EBF1: variants seen among roughly 807,000 people sequenced by gnomAD.
EBF1 encodes the protein transcription factor COE1.
EBF1 carries 10 observed loss-of-function variants against 68.4 expected under a neutral mutation model. That is an observed-to-expected ratio of 0.15 (90% confidence interval 0.09 to 0.25). The LOEUF is 0.25. Ranked by LOEUF, EBF1 falls within the 10% of genes least tolerant of loss-of-function variation. The pLI is 1.00. For synonymous variants in EBF1, 298 were observed against 299.8 expected (o/e 0.99, Z 0.06); for missense variants, 509 against 794.4 (o/e 0.64, Z 4.32).
Position 158,781,501 on chromosome 5 carries a change from A to T in EBF1, c.910-3962T>A, listed in dbSNP as rs1158487948. Among the ~76,000 whole-genome samples, 14 of 152,266 alleles carry T rather than the reference A, an allele frequency of 9.2e-5. No individual in the cohort carries two copies. The East Asian group carries it at 2.5e-3, about 27-fold the overall frequency. ...ATCAAATTTTATTAGCAACAGAGTA[A>T]CAGAATCTCCCCAAATAAGTCTTCT... On this transcript the variant is annotated intron_variant, in intron 9 of 15. Coordinates refer to ENST00000313708, the MANE Select transcript of EBF1 (RefSeq NM_024007.5).
At chr5:158,956,971 G>A (rs1817266790) in intron 6 of EBF1, among the ~76,000 whole-genome samples, 2 of 152,116 alleles carry the variant, frequency 1.3e-5, no homozygotes, top group Admixed American at 6.5e-5. Context: ...TGTTAGCCAA[G>A]ATGGTCTCGA....
Position 158,717,632 on chromosome 5 carries a change from A to AT in EBF1, c.1126-3451dup, listed in dbSNP as rs567978465. Among the ~76,000 whole-genome samples the AT allele has an allele frequency of 9.6e-3, 1,409 of 147,366 alleles. 13 individuals are homozygous for AT. The highest frequency in any genetic ancestry group is 0.026 in the African/African-American group (1,036 of 40,396). On this transcript the variant is annotated intron_variant, in intron 11 of 15. Coordinates refer to ENST00000313708, the MANE Select transcript of EBF1 (RefSeq NM_024007.5). ...CCAAGATAATTAATCCTATCCTTGGATTTTTTTTTTTTAAAAATCCCTTTT... is the reference window on the plus strand; with the variant it reads ...CCAAGATAATTAATCCTATCCTTGGATTTTTTTTTTTTTAAAAATCCCTTTT...
chr5:158,942,242 T>C (rs1426805128), intron 6 of EBF1, among the ~76,000 whole-genome samples: 6 of 152,210 alleles, frequency 3.9e-5, no homozygotes, highest in African/African-American at 1.4e-4. Context: ...TGTCCCTGTA[T>C]ATATGAAACC....
At position 158,978,779 on chromosome 5, in the gene EBF1, TACACACACACACACACATACAC is replaced by T. The variant is rs1181933722; in HGVS notation, c.554+94595_554+94616del. Among the ~76,000 whole-genome samples, 5 of 130,176 alleles carry T rather than the reference TACACACACACACACACATACAC, an allele frequency of 3.8e-5. No individual in the cohort carries two copies. In the East Asian group the frequency reaches 1.1e-3, roughly 28 times the overall value. The allele number at this position is 130,176 out of a possible 152,430, so 85.4% of individuals were successfully genotyped here. ...TTCTTGAAGGTAAAAGAATTGAAGA[TACACACACACACACACATACAC>T]ACACACACACACACACACACACACA... On this transcript the variant is annotated intron_variant, in intron 6 of 15. Coordinates refer to ENST00000313708, the MANE Select transcript of EBF1 (RefSeq NM_024007.5).
At chr5:159,041,117 C>G (rs1404457294) in intron 6 of EBF1, among the ~76,000 whole-genome samples, 1 of 152,212 alleles carries the variant, frequency 6.6e-6, no homozygotes, top group Non-Finnish European at 1.5e-5. Context: ...TGGTACCCAT[C>G]GTCACACACA....
At chr5:158,797,394 A>C (rs142559455) in intron 8 of EBF1, among the ~76,000 whole-genome samples, 37 of 152,310 alleles carry the variant, frequency 2.4e-4, no homozygotes, top group Middle Eastern at 3.4e-3. Flanking sequence ...CTACAGTGTC[A>C]TGCTTCTGTT....
chr5:159,003,581 G>T lies in EBF1; in HGVS notation c.554+69815C>A, dbSNP rs375229158. On this transcript the variant is annotated intron_variant, in intron 6 of 15. Coordinates refer to ENST00000313708, the MANE Select transcript of EBF1 (RefSeq NM_024007.5). ...TGATTTCCTCTTAAAATGACAGCTT[G>T]CCTGTGTATTGTGCATTCTTAGAGC... is the stretch of plus-strand genomic sequence containing the variant. 8.1e-4 allele frequency among the ~76,000 whole-genome samples: 124 copies of T among 152,344 alleles called. 1 individual carries two copies. In the South Asian group the frequency reaches 0.025, roughly 31 times the overall value.
intron 15 of EBF1, 48 bp from the exon 16 acceptor site, chr5:158,699,190 C>A: frequency 1.9e-6 from 3 of 1,550,924 alleles, no homozygotes; most frequent in Non-Finnish European, 8.7e-7. Context: ...GTTCAAACTT[C>A]TCACTGAGAA....
chr5:158,774,191 C>A (rs567249579), intron 10 of EBF1, among the ~76,000 whole-genome samples: 1 of 152,044 alleles, frequency 6.6e-6, no homozygotes, highest in Non-Finnish European at 1.5e-5. Flanking sequence ...ATTCCTCGTG[C>A]GTCTCTGGTC....
chr5:158,938,185 T>A (rs1238146572), intron 6 of EBF1, among the ~76,000 whole-genome samples: 1 of 152,234 alleles, frequency 6.6e-6, no homozygotes. Context: ...AGATCCTGAA[T>A]AACCAACATA....
chr5:158,750,763 T>G (rs1768666099), intron 10 of EBF1, among the ~76,000 whole-genome samples: 1 of 151,566 alleles, frequency 6.6e-6, no homozygotes, highest in South Asian at 2.1e-4. Context: ...ATCTACCACT[T>G]GCAAAAAAAA....
rs182780903 is a variant in EBF1, at chr5:158,968,826, A to C, written c.554+104570T>G. 1.5e-4 allele frequency among the ~76,000 whole-genome samples: 23 copies of C among 152,322 alleles called. No homozygotes were observed. In the East Asian group the frequency reaches 4.1e-3, roughly 27 times the overall value. The stretch of plus-strand genomic sequence containing the variant: ...TCCAAGTAAAATTTACAATGAGAAA[A>C]TATGCATTGATGCCACAAAAATCTT... On this transcript the variant is annotated intron_variant, in intron 6 of 15. Coordinates refer to ENST00000313708, the MANE Select transcript of EBF1 (RefSeq NM_024007.5).
chr5:158,739,992 C>T (rs1162778235), intron 10 of EBF1, among the ~76,000 whole-genome samples: 5 of 152,172 alleles, frequency 3.3e-5, no homozygotes, highest in Admixed American at 3.3e-4. Flanking sequence ...ATTTTCTGAG[C>T]ACGCATTTTT....
rs548617551 is a variant in EBF1, at chr5:159,033,203, C to T, written c.554+40193G>A. ...TTAGGAAGTTCTGCACACGTTTACC[C>T]GCTTTGCAGCCATCCCTTCCTTCCA... On this transcript the variant is annotated intron_variant, in intron 6 of 15. Transcript: ENST00000313708. Among the ~76,000 whole-genome samples the T allele has an allele frequency of 1.4e-4, 22 of 152,300 alleles. No individual in the cohort carries two copies. In the South Asian group the frequency reaches 3.9e-3, roughly 27 times the overall value.
intron 6 of EBF1, among the ~76,000 whole-genome samples, chr5:159,044,702 G>A (rs1771979101): frequency 6.6e-6 from 1 of 152,140 alleles, no homozygotes; most frequent in South Asian, 2.1e-4. Context: ...CAAATAAGTA[G>A]TCTATTACTC....
chr5:159,084,582 A>C, intron 5 of EBF1, 84 bp downstream of exon 5: 1 of 1,269,792 alleles, frequency 7.9e-7, no homozygotes, highest in Non-Finnish European at 1.0e-6. Flanking sequence ...AAAAAAAAAA[A>C]AAAAGACCAA....
chr5:158,706,562 G>A (rs2127471263), intron 15 of EBF1, among the ~76,000 whole-genome samples: 1 of 152,296 alleles, frequency 6.6e-6, no homozygotes, highest in Admixed American at 6.5e-5. Context: ...AGTATGTGTA[G>A]ACAAGTAGAA....
chr5:158,993,464 T>C (rs1760789572), intron 6 of EBF1, among the ~76,000 whole-genome samples: 1 of 152,196 alleles, frequency 6.6e-6, no homozygotes, highest in African/African-American at 2.4e-5. Context: ...CTTAAAATCC[T>C]AGTGTTTTCC....
intron 9 of EBF1, among the ~76,000 whole-genome samples, chr5:158,778,351 A>G (rs1775733746): frequency 6.6e-6 from 1 of 152,152 alleles, no homozygotes. Flanking sequence ...CAGCCCTGGT[A>G]TTTGACTGGT....
Sources: allele counts gnomAD v4.1 joint callset (sites outside exome capture counted in the v4.1 genomes callset), GRCh38; gene constraint gnomAD v4.1.1; transcripts MANE v1.5; gene names NCBI Gene and HGNC (gene_info 2026-07-23, HGNC 2026-07-21).